Variants in GALNTL6 observed in about 807,000 individuals in gnomAD.
GALNTL6 encodes the protein polypeptide N-acetylgalactosaminyltransferase-like 6.
Under a neutral mutation model 73.7 loss-of-function variants are expected in GALNTL6, and 46 were observed. The ratio of observed to expected loss-of-function variants is 0.62; its 90% CI spans 0.49 to 0.80. The LOEUF (loss-of-function observed/expected upper bound fraction) is 0.80, where lower values mean the gene tolerates loss of function less well. Ranked by LOEUF, GALNTL6 falls within the 30% of genes least tolerant of loss-of-function variation. The pLI, the probability that GALNTL6 is intolerant of heterozygous loss-of-function variation, is 0.00. For missense variants in GALNTL6, 604 were observed against 755.0 expected (o/e 0.80, Z 2.34); for synonymous variants, 259 against 263.7 (o/e 0.98, Z 0.17).
At chr4:172,344,579 G>A (rs1022165160) in intron 4 of GALNTL6, among the ~76,000 whole-genome samples, 2 of 152,138 alleles carry the variant, frequency 1.3e-5, no homozygotes, top group Non-Finnish European at 2.9e-5. Context: ...ATGTAAACAC[G>A]ATCCGGTCTT....
intron 5 of GALNTL6, among the ~76,000 whole-genome samples, chr4:172,554,994 C>T (rs1736093643): frequency 6.6e-6 from 1 of 152,164 alleles, no homozygotes; most frequent in Admixed American, 6.5e-5. Context: ...TTTACATTCA[C>T]ACTAGCAATG....
intron 2 of GALNTL6, among the ~76,000 whole-genome samples, chr4:172,050,472 G>A (rs189693767): frequency 3.9e-5 from 6 of 152,240 alleles, no homozygotes; most frequent in Admixed American, 2.6e-4. Context: ...AATTTGGGGT[G>A]GGCAGAAAAG....
intron 3 of GALNTL6, among the ~76,000 whole-genome samples, chr4:172,277,977 T>C (rs912062626): frequency 1.3e-5 from 2 of 152,186 alleles, no homozygotes; most frequent in Non-Finnish European, 2.9e-5. Context: ...AATATGACTT[T>C]CTCCCTTTCT....
chr4:172,912,547 ATGGCACACCAGGAGATTATATCCCATGCT>A (rs1043910587), intron 8 of GALNTL6, among the ~76,000 whole-genome samples: 1 of 152,170 alleles, frequency 6.6e-6, no homozygotes, highest in African/African-American at 2.4e-5. Context: ...GTCATAGCAA[ATGGCACACCAGGAGATTATATCCCATGCT>A]TGGCTCACCA....
intron 3 of GALNTL6, among the ~76,000 whole-genome samples, chr4:172,237,574 C>T (rs1737283160): frequency 6.6e-6 from 1 of 152,114 alleles, no homozygotes; most frequent in Admixed American, 6.5e-5. Flanking sequence ...CTTTGCTGTG[C>T]AGAAGCTCTT....
intron 5 of GALNTL6, among the ~76,000 whole-genome samples, chr4:172,395,079 C>T (rs182304419): frequency 1.3e-5 from 2 of 152,234 alleles, no homozygotes; most frequent in African/African-American, 4.8e-5. Context: ...GAAAATCTCC[C>T]CCAAATTATA....
At chr4:172,737,992 C>A (rs2111409594) in intron 5 of GALNTL6, among the ~76,000 whole-genome samples, 1 of 152,274 alleles carries the variant, frequency 6.6e-6, no homozygotes, top group South Asian at 2.1e-4. Flanking sequence ...GTTAGACTCT[C>A]CTTTGGCTGA....
intron 12 of GALNTL6, among the ~76,000 whole-genome samples, chr4:173,022,094 G>GGAAGGAAGGAAGGAAGGAAA (rs1753030332): frequency 1.0e-5 from 1 of 100,346 alleles, no homozygotes; most frequent in Non-Finnish European, 2.2e-5. Flanking sequence ...AAGGAAAGAA[G>GGAAGGAAGGAAGGAAGGAAA]GAAGGAAGGA....
intron 2 of GALNTL6, among the ~76,000 whole-genome samples, chr4:172,113,450 C>T (rs1732908352): frequency 6.6e-6 from 1 of 151,972 alleles, no homozygotes; most frequent in African/African-American, 2.4e-5. Flanking sequence ...AATCAGACAT[C>T]TTTATTTCTA....
chr4:172,697,537 T>A (rs1733769338), intron 5 of GALNTL6, among the ~76,000 whole-genome samples: 1 of 152,124 alleles, frequency 6.6e-6, no homozygotes, highest in Non-Finnish European at 1.5e-5. Context: ...TACCAACCAA[T>A]ACACAAGTGA....
chr4:172,117,028 T>A (rs1005242512), intron 2 of GALNTL6, among the ~76,000 whole-genome samples: 1 of 152,188 alleles, frequency 6.6e-6, no homozygotes, highest in African/African-American at 2.4e-5. Context: ...TATAGTTTAT[T>A]TGTTCTAGCA....
intron 5 of GALNTL6, among the ~76,000 whole-genome samples, chr4:172,360,838 A>G (rs1451566220): frequency 6.6e-6 from 1 of 152,190 alleles, no homozygotes; most frequent in Non-Finnish European, 1.5e-5. Flanking sequence ...TGTTTTCATT[A>G]TATCAGACTT....
At chr4:172,777,615 C>T (rs760110959) in intron 5 of GALNTL6, among the ~76,000 whole-genome samples, 2 of 152,118 alleles carry the variant, frequency 1.3e-5, no homozygotes, top group African/African-American at 2.4e-5. Context: ...TAAATTTACA[C>T]GATCATTCAT....
chr4:172,498,034 A>C lies in GALNTL6; in HGVS notation c.553+149345A>C, dbSNP rs1047308856. On this transcript the variant is annotated intron_variant, in intron 5 of 12. Coordinates refer to ENST00000506823, the MANE Select transcript of GALNTL6 (RefSeq NM_001034845.3). ...TGAGATGGAGTCTTGCTCTGTCGCC[A>C]GGCTGGAGTGCAGTGACGCAATCTC... is the stretch of plus-strand genomic sequence containing the variant. 6.5e-5 allele frequency among the ~76,000 whole-genome samples: 8 copies of C among 123,134 alleles called. No homozygotes were observed. In the East Asian group the frequency reaches 2.0e-3, roughly 30 times the overall value. The allele number at this position is 123,134 out of a possible 152,430, so 80.8% of individuals were successfully genotyped here. A position where few individuals can be genotyped will look rare whatever the true frequency, so the allele number is the denominator to read the frequency against.
At chr4:172,795,873 A>G (rs1312963617) in intron 5 of GALNTL6, among the ~76,000 whole-genome samples, 1 of 151,886 alleles carries the variant, frequency 6.6e-6, no homozygotes, top group Non-Finnish European at 1.5e-5. Context: ...TATAATATCA[A>G]TGCTGTGTGC....
chr4:171,916,108 ATT>A (rs1339251085), intron 2 of GALNTL6, among the ~76,000 whole-genome samples: 1 of 152,008 alleles, frequency 6.6e-6, no homozygotes, highest in Non-Finnish European at 1.5e-5. Flanking sequence ...TTGAGATATC[ATT>A]CTTTTTGATT....
chr4:172,295,392 A>T (rs1300028982), intron 3 of GALNTL6, among the ~76,000 whole-genome samples: 1 of 147,920 alleles, frequency 6.8e-6, no homozygotes, highest in African/African-American at 2.5e-5. Flanking sequence ...ACTGCACTCG[A>T]GCCTGGGCAA....
intron 2 of GALNTL6, among the ~76,000 whole-genome samples, chr4:171,827,597 G>A (rs979237171): frequency 3.9e-5 from 6 of 152,132 alleles, no homozygotes; most frequent in Non-Finnish European, 8.8e-5. Context: ...AACCACATAT[G>A]AAGCTAAAAT....
At chr4:172,594,596 G>A (rs570661330) in intron 5 of GALNTL6, among the ~76,000 whole-genome samples, 42 of 151,852 alleles carry the variant, frequency 2.8e-4, no homozygotes, top group African/African-American at 9.7e-4. Flanking sequence ...ATTTACTCTC[G>A]ACATAAGTTC....
Sources: gnomAD v4.1 joint callset for allele counts (sites outside exome capture counted in the v4.1 genomes callset) on GRCh38, gnomAD v4.1.1 for gene constraint, MANE v1.5 for transcripts, NCBI Gene and HGNC (gene_info 2026-07-23, HGNC 2026-07-21) for gene names.